RCAN2: variants seen among roughly 807,000 people sequenced by gnomAD.
RCAN2 encodes the protein regulator of calcineurin 2, also known as calcipressin-2.
Under a neutral mutation model 23.6 loss-of-function variants are expected in RCAN2, and 9 were observed. The ratio of observed to expected loss-of-function variants is 0.38; its 90% CI spans 0.23 to 0.67. RCAN2 has a LOEUF of 0.67. Ranked by LOEUF, RCAN2 falls within the 30% of genes least tolerant of loss-of-function variation. The pLI is 0.51. For missense variants in RCAN2, 273 were observed against 302.3 expected, an observed-to-expected ratio of 0.90 and a Z score of 0.72; for synonymous variants, 109 against 115.7, an observed-to-expected ratio of 0.94 and a Z score of 0.37.
intron 2 of RCAN2, among the ~76,000 whole-genome samples, chr6:46,403,243 G>A (rs1766308716): frequency 6.6e-6 from 1 of 151,942 alleles, no homozygotes; most frequent in Non-Finnish European, 1.5e-5. Context: ...GGGATTGTAG[G>A]CGTGAGCCAC....
intron 4 of RCAN2, among the ~76,000 whole-genome samples, chr6:46,233,768 C>T (rs1765992055): frequency 6.7e-6 from 1 of 150,322 alleles, no homozygotes; most frequent in South Asian, 2.1e-4. Context: ...TCTTGTTGCC[C>T]AGGCTGGAGA....
At chr6:46,445,973 A>G (rs1198892416) in intron 2 of RCAN2, among the ~76,000 whole-genome samples, 1 of 152,194 alleles carries the variant, frequency 6.6e-6, no homozygotes, top group Non-Finnish European at 1.5e-5. Context: ...AAAAAGTAAG[A>G]GTAGAACAAT....
intron 2 of RCAN2, among the ~76,000 whole-genome samples, chr6:46,423,657 C>T (rs1456506389): frequency 6.6e-6 from 1 of 152,056 alleles, no homozygotes; most frequent in African/African-American, 2.4e-5. Context: ...ATTATGGGTA[C>T]CTTATTATCT....
At chr6:46,386,677 C>T (rs987906578) in intron 2 of RCAN2, among the ~76,000 whole-genome samples, 18 of 150,570 alleles carry the variant, frequency 1.2e-4, no homozygotes, top group African/African-American at 3.4e-4. Flanking sequence ...TCATGCCAGT[C>T]AATGGATTAT....
intron 2 of RCAN2, among the ~76,000 whole-genome samples, chr6:46,278,330 A>G (rs1394340640): frequency 6.6e-6 from 1 of 152,040 alleles, no homozygotes; most frequent in Non-Finnish European, 1.5e-5. Flanking sequence ...ATTCCCCAAT[A>G]TGCATATCTT....
chr6:46,449,879 T>C (rs969552367), intron 2 of RCAN2, among the ~76,000 whole-genome samples: 3 of 151,848 alleles, frequency 2.0e-5, no homozygotes, highest in South Asian at 2.1e-4. Flanking sequence ...GAAGAAAATG[T>C]ATGAAAAGAA....
chr6:46,320,143 A>T (rs1341898303), intron 2 of RCAN2, among the ~76,000 whole-genome samples: 1 of 152,188 alleles, frequency 6.6e-6, no homozygotes, highest in Non-Finnish European at 1.5e-5. Flanking sequence ...ATTCTTAAAG[A>T]GCTTTAGAGC....
intron 3 of RCAN2, among the ~76,000 whole-genome samples, chr6:46,247,680 T>C (rs1476614176): frequency 3.0e-4 from 45 of 152,372 alleles, no homozygotes; most frequent in Non-Finnish European, 1.2e-4. Flanking sequence ...TTTATCAGTA[T>C]TTTAGTCCTT....
At chr6:46,444,842 G>A (rs1319117517) in intron 2 of RCAN2, among the ~76,000 whole-genome samples, 2 of 152,136 alleles carry the variant, frequency 1.3e-5, no homozygotes, top group Non-Finnish European at 2.9e-5. Context: ...GACAGCACCT[G>A]TGGCCCCAAG....
Position 46,248,714 on chromosome 6 carries a change from T to C in RCAN2, c.399+9A>G. 6.4e-7 allele frequency: 1 copy of C among 1,572,438 alleles called. No homozygotes were observed. Among genetic ancestry groups the C allele is most frequent in the South Asian group, 1.2e-5 (1 of 84,702 alleles). On this transcript the variant is annotated intron_variant, in intron 3 of 4. Transcript: ENST00000371374. ...CAAAAAGAATAACTTTGGTAAACAATTACCTTACCTGTGCAAAGTAGAGCT... is the reference window on the plus strand; with the variant it reads ...CAAAAAGAATAACTTTGGTAAACAACTACCTTACCTGTGCAAAGTAGAGCT...
At chr6:46,258,738 T>C (rs1257640550) in intron 2 of RCAN2, among the ~76,000 whole-genome samples, 1 of 152,204 alleles carries the variant, frequency 6.6e-6, no homozygotes, top group African/African-American at 2.4e-5. Flanking sequence ...AACATTGCTA[T>C]TCAAAAGTAT....
chr6:46,242,649 CATGCAATT>C (rs1766347215), intron 4 of RCAN2, among the ~76,000 whole-genome samples: 1 of 152,154 alleles, frequency 6.6e-6, no homozygotes, highest in Non-Finnish European at 1.5e-5. Context: ...CATTCTTTAA[CATGCAATT>C]AGTTATAATT....
At chr6:46,475,703 T>C (rs1768694876) in intron 1 of RCAN2, among the ~76,000 whole-genome samples, 1 of 152,180 alleles carries the variant, frequency 6.6e-6, no homozygotes, top group Non-Finnish European at 1.5e-5. Flanking sequence ...GACTGCTGCT[T>C]CCACCCTCAT....
chr6:46,323,167 T>C (rs999949131), intron 2 of RCAN2, among the ~76,000 whole-genome samples: 2 of 152,164 alleles, frequency 1.3e-5, no homozygotes, highest in East Asian at 3.9e-4. Flanking sequence ...TCTGATAAAC[T>C]GGTAAAAGTT....
chr6:46,482,563 C>A (rs1450523855), intron 1 of RCAN2, among the ~76,000 whole-genome samples: 1 of 152,160 alleles, frequency 6.6e-6, no homozygotes, highest in Non-Finnish European at 1.5e-5. Flanking sequence ...AGGTCTCTAA[C>A]CTGCATTATT....
At chr6:46,419,760 G>A (rs114717343) in intron 2 of RCAN2, among the ~76,000 whole-genome samples, 6,777 of 152,202 alleles carry the variant, frequency 0.045, 298 homozygotes, top group South Asian at 0.12. Context: ...AGGGACTCTT[G>A]GAAAGAAAGC....
In RCAN2 at chr6:46,368,293, G is replaced by A. The variant is rs186679356; in HGVS notation, c.225+88459C>T. Among the ~76,000 whole-genome samples, 512 of 152,298 alleles carry A rather than the reference G, an allele frequency of 3.4e-3. 3 individuals carry two copies. The highest frequency in any genetic ancestry group is 0.012 in the African/African-American group (480 of 41,552). On this transcript the variant is annotated intron_variant, in intron 2 of 4. Transcript: ENST00000371374. ...TGTTAGAATGATGATAGCTCTGTGT[G>A]CTTTACTGTTGCACTCTACCACCTT...
intron 2 of RCAN2, among the ~76,000 whole-genome samples, chr6:46,315,003 G>A (rs1763389413): frequency 2.0e-5 from 3 of 152,228 alleles, no homozygotes; most frequent in African/African-American, 7.2e-5. Context: ...GGAGGCTGCA[G>A]TGAGCCAAGA....
chr6:46,438,886 CTGAT>C (rs1378045862), intron 2 of RCAN2, among the ~76,000 whole-genome samples: 1 of 152,112 alleles, frequency 6.6e-6, no homozygotes, highest in Non-Finnish European at 1.5e-5. Context: ...TAATTGATGG[CTGAT>C]TGATTGATTG....
Sources: allele counts gnomAD v4.1 joint callset (sites outside exome capture counted in the v4.1 genomes callset), GRCh38; gene constraint gnomAD v4.1.1; transcripts MANE v1.5; gene names NCBI Gene and HGNC (gene_info 2026-07-23, HGNC 2026-07-21).